GRM1: variants seen among roughly 807,000 people sequenced by gnomAD.
GRM1 encodes glutamate metabotropic receptor 1.
Under a neutral mutation model 90.9 loss-of-function variants are expected in GRM1, and 33 were observed. That is an observed-to-expected ratio of 0.36 (90% CI 0.28 to 0.49). The LOEUF (loss-of-function observed/expected upper bound fraction) is 0.49, where lower values mean the gene tolerates loss of function less well. Among genes scored for constraint, GRM1 ranks in the 20% least tolerant of loss-of-function variants. GRM1 has a pLI of 0.99. For synonymous variants in GRM1, 700 were observed against 613.2 expected, an observed-to-expected ratio of 1.14 and a Z score of -2.09; for missense variants, 1,190 against 1,534.3, an observed-to-expected ratio of 0.78 and a Z score of 3.75.
At chr6:146,073,811 A>G (rs983491219) in intron 1 of GRM1, among the ~76,000 whole-genome samples, 2 of 152,188 alleles carry the variant, frequency 1.3e-5, no homozygotes. Flanking sequence ...ATCTGGAATG[A>G]TGAAATTCTG....
At chr6:146,119,788 C>G (rs1054519854) in intron 1 of GRM1, among the ~76,000 whole-genome samples, 3 of 151,998 alleles carry the variant, frequency 2.0e-5, no homozygotes, top group African/African-American at 7.3e-5. Flanking sequence ...CTGTTCTGTT[C>G]CATTGGTCTA....
chr6:146,137,787 A>G (rs1776680722), intron 1 of GRM1, among the ~76,000 whole-genome samples: 2 of 152,132 alleles, frequency 1.3e-5, no homozygotes, highest in South Asian at 2.1e-4. Flanking sequence ...CAATTCATAA[A>G]CATATAATAT....
chr6:146,260,021 T>C (rs1055437828), intron 2 of GRM1, among the ~76,000 whole-genome samples: 26 of 150,534 alleles, frequency 1.7e-4, no homozygotes, highest in African/African-American at 6.1e-4. Context: ...TTATTATTTT[T>C]TATTATACTT....
In GRM1 at chr6:146,357,623, A is replaced by G. The variant is rs564428059; in HGVS notation, c.1531A>G (p.Lys511Glu). The change falls in exon 5 of 8, where the codon AAA (lysine) becomes GAA (glutamate). Residue 511 changes from lysine (K) to glutamate (E), a missense_variant. Physicochemically the swap from Lys to Glu is moderately conservative, Grantham distance 56. Around this residue, in one of 10 missense-constraint regions of GRM1, gnomAD observed 414 missense variants for 598.4 expected, o/e 0.69. Transcript: ENST00000282753. ...AGGAGTGCTGAACATTGATGATTAC[A>G]AAATCCAGATGAACAAGAGTGGAGT... ...HEGVLNIDDY[K>E]IQMNKSGVVR... 1 of 1,614,092 alleles carries G rather than the reference A, an allele frequency of 6.2e-7. No homozygotes were observed. Among genetic ancestry groups the G allele is most frequent in the Admixed American group, 1.7e-5 (1 of 60,018 alleles).
chr6:146,240,067 C>T (rs1363332522), intron 2 of GRM1, among the ~76,000 whole-genome samples: 1 of 152,038 alleles, frequency 6.6e-6, no homozygotes, highest in Non-Finnish European at 1.5e-5. Flanking sequence ...AATGATATGA[C>T]CTGAGTAGTG....
intron 2 of GRM1, among the ~76,000 whole-genome samples, chr6:146,168,385 C>T (rs1323248262): frequency 1.3e-5 from 2 of 151,602 alleles, no homozygotes; most frequent in South Asian, 4.2e-4. Context: ...TCTATTTCTC[C>T]CTGACTTTTG....
chr6:146,226,316 GA>G (rs1780237372), intron 2 of GRM1, among the ~76,000 whole-genome samples: 1 of 151,936 alleles, frequency 6.6e-6, no homozygotes, highest in African/African-American at 2.4e-5. Context: ...GCAATTTCAG[GA>G]AAAATCAACT....
rs967928158 is a variant in GRM1, at chr6:146,382,883, G to A, written c.1603-4007G>A. On this transcript the variant is annotated intron_variant, in intron 5 of 7. Transcript: ENST00000282753. ...ATGGCATAGTCCTTTCCTTTGAGGAGCTACAGACTATTTGGATGATCTTGG... is the reference window on the plus strand; with the variant it reads ...ATGGCATAGTCCTTTCCTTTGAGGAACTACAGACTATTTGGATGATCTTGG... Among the ~76,000 whole-genome samples the A allele has an allele frequency of 2.6e-5, 4 of 152,124 alleles. No homozygotes were observed. The East Asian group carries it at 7.7e-4, about 29-fold the overall frequency.
chr6:146,194,207 CT>C (rs1278200434), intron 2 of GRM1, among the ~76,000 whole-genome samples: 1 of 152,104 alleles, frequency 6.6e-6, no homozygotes, highest in Non-Finnish European at 1.5e-5. Context: ...CTCATATCTT[CT>C]TTGTCCAGTT....
chr6:146,354,959 A>C (rs1035231339), intron 4 of GRM1, among the ~76,000 whole-genome samples: 8 of 146,498 alleles, frequency 5.5e-5, no homozygotes, highest in African/African-American at 2.0e-4. Flanking sequence ...TTATACCAAA[A>C]TATTGTGAAT....
chr6:146,213,740 A>T (rs575307388), intron 2 of GRM1, among the ~76,000 whole-genome samples: 1 of 152,252 alleles, frequency 6.6e-6, no homozygotes, highest in South Asian at 2.1e-4. Flanking sequence ...AGATAGATGG[A>T]TGAAAGGAGA....
At chr6:146,425,952 TA>T (rs950495104) in intron 7 of GRM1, among the ~76,000 whole-genome samples, 39 of 152,324 alleles carry the variant, frequency 2.6e-4, no homozygotes, top group Admixed American at 2.4e-3. Flanking sequence ...AGGTGCTGTA[TA>T]AGGAGACATC....
At chr6:146,326,157 T>C (rs982376269) in intron 3 of GRM1, among the ~76,000 whole-genome samples, 1 of 152,062 alleles carries the variant, frequency 6.6e-6, no homozygotes, top group African/African-American at 2.4e-5. Context: ...TAAATCACAG[T>C]TTTTCACAAT....
At chr6:146,341,346 C>T (rs114006471) in intron 3 of GRM1, among the ~76,000 whole-genome samples, 1,823 of 152,216 alleles carry the variant, frequency 0.012, 26 homozygotes, top group African/African-American at 0.038. Flanking sequence ...ATACATACAG[C>T]GAAGCGGTAG....
Position 146,434,898 on chromosome 6 carries a change from C to A in GRM1, c.*102C>A. ...GGAAAAGCCTGGGAGTGGGGGGCCT[C>A]GTCGGGAGGACAGGAGACCGCTGCT... On this transcript the variant is annotated 3_prime_UTR_variant, in exon 8 of 8. Transcript: ENST00000282753. The A allele has an allele frequency of 9.9e-7, 1 of 1,011,530 alleles. No individual in the cohort carries two copies. The highest frequency in any genetic ancestry group is 1.5e-6 in the Non-Finnish European group (1 of 658,390). 62.7% of individuals were successfully genotyped at this position (1,011,530 alleles called of 1,614,324 possible). A position where few individuals can be genotyped will look rare whatever the true frequency, so the allele number is the denominator to read the frequency against.
intron 7 of GRM1, among the ~76,000 whole-genome samples, chr6:146,428,379 A>G (rs1778290375): frequency 6.6e-6 from 1 of 152,198 alleles, no homozygotes; most frequent in Non-Finnish European, 1.5e-5. Flanking sequence ...AATAATCCCA[A>G]CAGAGCAATG....
chr6:146,152,682 C>T (rs1777383758), intron 1 of GRM1, among the ~76,000 whole-genome samples: 1 of 152,010 alleles, frequency 6.6e-6, no homozygotes, highest in African/African-American at 2.4e-5. Context: ...TATCCCAGTG[C>T]CAGACACATA....
intron 1 of GRM1, among the ~76,000 whole-genome samples, chr6:146,096,924 CT>C (rs981965279): frequency 2.0e-5 from 3 of 151,704 alleles, no homozygotes; most frequent in Non-Finnish European, 2.9e-5. Flanking sequence ...TGTGAATTTA[CT>C]TTTTTTTCAC....
chr6:146,056,171 T>C (rs1170917922), intron 1 of GRM1, among the ~76,000 whole-genome samples: 1 of 152,116 alleles, frequency 6.6e-6, no homozygotes, highest in African/African-American at 2.4e-5. Context: ...TTTTAAAAAG[T>C]TTATTTTTCT....
Sources: allele counts gnomAD v4.1 joint callset (sites outside exome capture counted in the v4.1 genomes callset), GRCh38; gene constraint gnomAD v4.1.1; regional missense constraint gnomAD v4.1.1; transcripts MANE v1.5; gene names NCBI Gene and HGNC (gene_info 2026-07-23, HGNC 2026-07-21).